The following PROS1 variants were observed in gnomAD, a reference collection of about 807,000 sequenced individuals.
PROS1 encodes the protein protein S.
PROS1 carries 29 observed loss-of-function variants against 75.9 expected under a neutral mutation model. The observed-to-expected ratio is 0.38, with a 90% CI of 0.28 to 0.52. The LOEUF is 0.52. Among genes scored for constraint, PROS1 ranks in the 20% least tolerant of loss-of-function variants. The pLI, the probability that PROS1 is intolerant of heterozygous loss-of-function variation, is 0.83. For missense variants in PROS1, 680 were observed against 810.3 expected (o/e 0.84, Z 1.95); for synonymous variants, 245 against 280.6 (o/e 0.87, Z 1.27).
chr3:93,971,382 A>C (rs923798207), intron 1 of PROS1, among the ~76,000 whole-genome samples: 6 of 149,032 alleles, frequency 4.0e-5, no homozygotes, highest in Non-Finnish European at 7.5e-5. Flanking sequence ...TAAATAAATA[A>C]ATAAATAAAT....
At chr3:93,927,490 C>A in intron 1 of PROS1, 83 bp from the exon 2 acceptor site, 2 of 1,405,580 alleles carry the variant, frequency 1.4e-6, no homozygotes, top group Non-Finnish European at 1.9e-6. Context: ...GAGTTAAAAT[C>A]ATTTTCTGCC....
At chr3:93,903,269 C>T (rs1708624589) in intron 6 of PROS1, among the ~76,000 whole-genome samples, 2 of 152,156 alleles carry the variant, frequency 1.3e-5, no homozygotes, top group Non-Finnish European at 2.9e-5. Flanking sequence ...ATGTGGTCAT[C>T]AGGAACATTC....
chr3:93,877,525 C>T (rs1708208658), intron 13 of PROS1, among the ~76,000 whole-genome samples: 1 of 152,064 alleles, frequency 6.6e-6, no homozygotes, highest in South Asian at 2.1e-4. Context: ...TCCAAGTTTA[C>T]ATATGAAAAG....
chr3:93,971,861 T>C (rs1391016108), intron 1 of PROS1, among the ~76,000 whole-genome samples: 1 of 152,078 alleles, frequency 6.6e-6, no homozygotes, highest in Non-Finnish European at 1.5e-5. Context: ...AAACATCACA[T>C]CTATATCCAA....
intron 1 of PROS1, among the ~76,000 whole-genome samples, chr3:93,949,513 T>C (rs1224092547): frequency 2.0e-5 from 3 of 151,794 alleles, no homozygotes; most frequent in Admixed American, 6.6e-5. Context: ...TCTGTACTAG[T>C]AAAAATCAAG....
intron 1 of PROS1, among the ~76,000 whole-genome samples, chr3:93,947,000 G>T (rs1478090917): frequency 6.6e-6 from 1 of 152,110 alleles, no homozygotes; most frequent in East Asian, 1.9e-4. Context: ...ATCAAAAAGT[G>T]GGCAAAGGTT....
intron 3 of PROS1, among the ~76,000 whole-genome samples, chr3:93,916,141 TA>T (rs1708844904): frequency 6.6e-6 from 1 of 152,066 alleles, no homozygotes; most frequent in South Asian, 2.1e-4. Flanking sequence ...GTACAAGAGA[TA>T]GAGAGGGGAA....
intron 14 of PROS1, among the ~76,000 whole-genome samples, chr3:93,875,756 C>T (rs1408215581): frequency 6.6e-6 from 1 of 151,844 alleles, no homozygotes; most frequent in Non-Finnish European, 1.5e-5. Context: ...ATACAATTTC[C>T]ATATATGGGA....
intron 3 of PROS1, among the ~76,000 whole-genome samples, chr3:93,917,613 A>G (rs1277751299): frequency 6.6e-6 from 1 of 151,872 alleles, no homozygotes; most frequent in African/African-American, 2.4e-5. Context: ...GGAGGTGTGG[A>G]GGGAAAGGCG....
At chr3:93,956,575 C>A (rs1298249049) in intron 1 of PROS1, among the ~76,000 whole-genome samples, 1 of 129,162 alleles carries the variant, frequency 7.7e-6, no homozygotes, top group Non-Finnish European at 1.8e-5. Flanking sequence ...CACACACACA[C>A]ACACACACAC....
intron 3 of PROS1, among the ~76,000 whole-genome samples, chr3:93,911,704 C>G (rs1559936862): frequency 6.6e-6 from 1 of 152,168 alleles, no homozygotes; most frequent in Non-Finnish European, 1.5e-5. Flanking sequence ...GGGTGTTTCT[C>G]TTAGCATGCT....
chr3:93,966,028 T>C (rs1709785427), intron 1 of PROS1, among the ~76,000 whole-genome samples: 1 of 152,064 alleles, frequency 6.6e-6, no homozygotes, highest in Non-Finnish European at 1.5e-5. Flanking sequence ...ACATGAGATA[T>C]GGAGGGGACA....
chr3:93,902,872 T>C (rs771684908), intron 6 of PROS1, among the ~76,000 whole-genome samples: 25 of 152,026 alleles, frequency 1.6e-4, no homozygotes, highest in Non-Finnish European at 3.7e-4. Flanking sequence ...ATTGTAATAG[T>C]GTTTTTTGTG....
At chr3:93,955,530 A>G (rs547779995) in intron 1 of PROS1, among the ~76,000 whole-genome samples, 113 of 152,172 alleles carry the variant, frequency 7.4e-4, no homozygotes, top group African/African-American at 2.7e-3. Flanking sequence ...GAACAATGAG[A>G]ACAGTTGGAC....
chr3:93,922,402 G>T (rs1392369194), intron 3 of PROS1, among the ~76,000 whole-genome samples: 1 of 152,054 alleles, frequency 6.6e-6, no homozygotes, highest in East Asian at 1.9e-4. Context: ...CTATGGAAAT[G>T]GTAGTTATTT....
At chr3:93,957,152 G>A (rs1345581884) in intron 1 of PROS1, among the ~76,000 whole-genome samples, 2 of 152,168 alleles carry the variant, frequency 1.3e-5, no homozygotes, top group Non-Finnish European at 1.5e-5. Flanking sequence ...GGAAAATTAT[G>A]TATCTATTTT....
intron 3 of PROS1, among the ~76,000 whole-genome samples, chr3:93,913,333 G>T (rs1487157849): frequency 5.3e-5 from 8 of 152,212 alleles, no homozygotes; most frequent in Non-Finnish European, 1.0e-4. Flanking sequence ...AATCATGGGG[G>T]CAATTTCCCC....
chr3:93,930,647 T>A (rs1404033456), intron 1 of PROS1, among the ~76,000 whole-genome samples: 1 of 152,246 alleles, frequency 6.6e-6, no homozygotes, highest in Non-Finnish European at 1.5e-5. Context: ...ACTGTATTCA[T>A]GCTTGTGAAA....
rs1178835033 is a variant in PROS1, at chr3:93,874,121, A to T, written c.*124T>A. ...TTCCTTGACAAAGGACCTTTTAAAA[A>T]TCCCAGGAAAGGACCACAAAATAAT... On this transcript the variant is annotated 3_prime_UTR_variant, in exon 15 of 15. Transcript: ENST00000394236. 8.7e-7 allele frequency: 1 copy of T among 1,148,714 alleles called. No homozygotes were observed. Among genetic ancestry groups the T allele is most frequent in the Admixed American group, 2.4e-5 (1 of 41,170 alleles). The allele number at this position is 1,148,714 out of a possible 1,614,324, so 71.2% of individuals were successfully genotyped here. A position where few individuals can be genotyped will look rare whatever the true frequency, so the allele number is the denominator to read the frequency against.
Sources: allele counts gnomAD v4.1 joint callset (sites outside exome capture counted in the v4.1 genomes callset), GRCh38; gene constraint gnomAD v4.1.1; transcripts MANE v1.5; gene names NCBI Gene and HGNC (gene_info 2026-07-23, HGNC 2026-07-21).